The following TMCO5A variants were observed in gnomAD, a reference collection of about 807,000 sequenced individuals.
TMCO5A encodes transmembrane and coiled-coil domain-containing protein 5A.
TMCO5A carries 34 observed loss-of-function variants against 42.3 expected under a neutral mutation model. The ratio of observed to expected loss-of-function variants is 0.80; its 90% CI spans 0.61 to 1.07. The LOEUF is 1.07. Ranked by LOEUF, TMCO5A falls within the 50% of genes least tolerant of loss-of-function variation. The probability of loss-of-function intolerance (pLI) is 0.00; values close to 1 mark genes in which losing one functional copy is unlikely to be tolerated. For synonymous variants in TMCO5A, 131 were observed against 115.6 expected (o/e 1.13, Z -0.86); for missense variants, 357 against 327.9 (o/e 1.09, Z -0.69).
chr15:37,968,884 T>C (rs1013560078), downstream of TMCO5A, among the ~76,000 whole-genome samples: 4 of 152,298 alleles, frequency 2.6e-5, no homozygotes, highest in Middle Eastern at 3.4e-3. Context: ...CCCGGCCTAC[T>C]TCTACATTTC....
At chr15:37,941,283 T>C in intron 7 of TMCO5A, 78 bp downstream of exon 7, 1 of 1,418,582 alleles carries the variant, frequency 7.0e-7, no homozygotes. Flanking sequence ...ATTTCTCAAG[T>C]GATTGATTTA....
chr15:37,967,831 G>T (rs1167537200), downstream of TMCO5A: 1 of 152,144 alleles, frequency 6.6e-6, no homozygotes, highest in Non-Finnish European at 1.5e-5. Flanking sequence ...GGTCATTCTA[G>T]CATTCACACC....
At chr15:38,013,943 G>A in the TMCO5A span, among the ~76,000 whole-genome samples, 2 of 152,150 alleles carry the variant, frequency 1.3e-5, no homozygotes, top group Non-Finnish European at 2.9e-5. Context: ...AAGGTGAACT[G>A]CATTTCTTGG....
the TMCO5A span, among the ~76,000 whole-genome samples, chr15:38,016,493 G>C: frequency 2.6e-5 from 4 of 152,092 alleles, no homozygotes; most frequent in African/African-American, 9.7e-5. Flanking sequence ...ATGATTTGAG[G>C]GGTGCTGATT....
chr15:37,993,411 G>A, the TMCO5A span: 1 of 151,624 alleles, frequency 6.6e-6, no homozygotes, highest in South Asian at 2.1e-4. Flanking sequence ...GACTGTCTGC[G>A]AGGGATGAGC....
the TMCO5A span, among the ~76,000 whole-genome samples, chr15:38,035,251 C>T: frequency 1.3e-5 from 2 of 152,190 alleles, no homozygotes; most frequent in Non-Finnish European, 2.9e-5. Flanking sequence ...TATTCAGCTA[C>T]GTATTGGCTT....
chr15:37,971,716 A>G (rs1890677130), downstream of TMCO5A, among the ~76,000 whole-genome samples: 1 of 152,090 alleles, frequency 6.6e-6, no homozygotes, highest in African/African-American at 2.4e-5. Flanking sequence ...ATCTCTCTCA[A>G]CTTCAAAGTT....
the TMCO5A span, among the ~76,000 whole-genome samples, chr15:38,021,091 A>G: frequency 2.6e-5 from 4 of 152,228 alleles, no homozygotes; most frequent in Non-Finnish European, 5.9e-5. Flanking sequence ...CCTACTTGTC[A>G]GAAACCCAAA....
At chr15:37,971,602 AC>A (rs770561557), downstream of TMCO5A, among the ~76,000 whole-genome samples, 1 of 152,120 alleles carries the variant, frequency 6.6e-6, no homozygotes, top group Non-Finnish European at 1.5e-5. Flanking sequence ...TATTTTCCAA[AC>A]TTTTATGCTG....
the TMCO5A span, among the ~76,000 whole-genome samples, chr15:38,005,395 CAAAAAAAAAAAA>C: frequency 4.5e-4 from 20 of 44,032 alleles, no homozygotes; most frequent in African/African-American, 1.4e-3. Flanking sequence ...CCATCTCTAC[CAAAAAAAAAAAA>C]AAAAAAAAAA....
the TMCO5A span, among the ~76,000 whole-genome samples, chr15:37,973,906 T>C: frequency 6.6e-6 from 1 of 152,290 alleles, no homozygotes; most frequent in African/African-American, 2.4e-5. Flanking sequence ...GTTTGTTACA[T>C]ATGGCTCTTA....
downstream of TMCO5A, chr15:37,951,492 A>G: frequency 2.5e-6 from 1 of 400,468 alleles, no homozygotes; most frequent in Non-Finnish European, 4.4e-6. Flanking sequence ...GGGGAATTAT[A>G]TAGATGCTAA....
chr15:38,035,340 G>A, the TMCO5A span, among the ~76,000 whole-genome samples: 1 of 152,118 alleles, frequency 6.6e-6, no homozygotes, highest in Non-Finnish European at 1.5e-5. Flanking sequence ...TAAATATAGT[G>A]CCATTTAGGC....
the TMCO5A span, among the ~76,000 whole-genome samples, chr15:37,997,678 G>A: frequency 2.7e-4 from 41 of 152,148 alleles, no homozygotes; most frequent in Non-Finnish European, 5.4e-4. Flanking sequence ...ACATAAGAGT[G>A]CAGATATTTC....
At chr15:38,013,521 A>G in the TMCO5A span, among the ~76,000 whole-genome samples, 5 of 152,168 alleles carry the variant, frequency 3.3e-5, no homozygotes, top group Admixed American at 2.0e-4. Context: ...TCTTGTCATC[A>G]GTGATGTGAT....
At chr15:37,963,495 T>C in intron 11 of TMCO5A, among the ~76,000 whole-genome samples, 1 of 152,188 alleles carries the variant, frequency 6.6e-6, no homozygotes, top group Non-Finnish European at 1.5e-5. Context: ...TGGAGAAAGT[T>C]CCATGTGCTG....
chr15:37,948,146 G>A (rs1299574652), intron 11 of TMCO5A, among the ~76,000 whole-genome samples: 2 of 152,034 alleles, frequency 1.3e-5, no homozygotes, highest in Non-Finnish European at 2.9e-5. Context: ...GCATCTAACA[G>A]TATCCAACAC....
At chr15:37,970,456 G>A (rs1322277802), downstream of TMCO5A, among the ~76,000 whole-genome samples, 1 of 152,190 alleles carries the variant, frequency 6.6e-6, no homozygotes, top group Admixed American at 6.5e-5. Context: ...AGATTTGGGT[G>A]GGGACACAGT....
chr15:38,007,943 T>C, the TMCO5A span, among the ~76,000 whole-genome samples: 3 of 126,442 alleles, frequency 2.4e-5, no homozygotes, highest in African/African-American at 6.0e-5. Flanking sequence ...TTGCCCAGGC[T>C]GGAGTGCAGT....
Sources: gnomAD v4.1 joint callset for allele counts (sites outside exome capture counted in the v4.1 genomes callset) on GRCh38, gnomAD v4.1.1 for gene constraint, MANE v1.5 for transcripts, NCBI Gene and HGNC (gene_info 2026-07-23, HGNC 2026-07-21) for gene names.